GPR158: variants seen among roughly 807,000 people sequenced by gnomAD.
GPR158 encodes the protein metabotropic glycine receptor.
GPR158 carries 30 observed loss-of-function variants against 78.2 expected under a neutral mutation model. That is an observed-to-expected ratio of 0.38 (90% CI 0.29 to 0.52). GPR158 has a LOEUF of 0.52. Ranked by LOEUF, GPR158 falls within the 20% of genes least tolerant of loss-of-function variation. GPR158 has a pLI of 0.83. For synonymous variants in GPR158, 581 were observed against 591.1 expected (o/e 0.98, Z 0.25); for missense variants, 1,463 against 1,523.5 (o/e 0.96, Z 0.66).
intron 9 of GPR158, among the ~76,000 whole-genome samples, chr10:25,595,358 A>C (rs950196438): frequency 1.3e-5 from 2 of 152,228 alleles, no homozygotes; most frequent in East Asian, 3.8e-4. Flanking sequence ...ACTTTGCATA[A>C]TATGATTACA....
chr10:25,503,690 C>T (rs1289241642), intron 5 of GPR158, among the ~76,000 whole-genome samples: 1 of 152,108 alleles, frequency 6.6e-6, no homozygotes, highest in Non-Finnish European at 1.5e-5. Context: ...TACTGCATGT[C>T]ACATGATTGA....
At chr10:25,196,336 G>A (rs886580146) in intron 1 of GPR158, among the ~76,000 whole-genome samples, 5 of 150,258 alleles carry the variant, frequency 3.3e-5, no homozygotes, top group Admixed American at 2.6e-4. Flanking sequence ...TTTTGCTCTC[G>A]GATTATTTTT....
intron 5 of GPR158, among the ~76,000 whole-genome samples, chr10:25,516,552 G>T (rs1360168182): frequency 3.1e-5 from 4 of 130,478 alleles, no homozygotes; most frequent in Non-Finnish European, 6.4e-5. Context: ...TTTGTATAAG[G>T]TGTAAGGAAG....
intron 5 of GPR158, among the ~76,000 whole-genome samples, chr10:25,498,176 T>G (rs1415512005): frequency 6.6e-6 from 1 of 152,152 alleles, no homozygotes; most frequent in Non-Finnish European, 1.5e-5. Context: ...CAAACTACAG[T>G]ATTACCAGGC....
In GPR158 at chr10:25,371,174, A is replaced by G. The variant is rs1588830696; in HGVS notation, c.1009-24737A>G. Among the ~76,000 whole-genome samples, 3 of 148,264 alleles carry G rather than the reference A, an allele frequency of 2.0e-5. No homozygotes were observed. In the South Asian group the frequency reaches 6.6e-4, roughly 33 times the overall value. On this transcript the variant is annotated intron_variant, in intron 2 of 10. Transcript: ENST00000376351. ...GAGCACTTAGTCCATTTACATTTAA[A>G]GTTAATATTGTTATGTGTGAATTTG...
At chr10:25,346,579 T>C (rs1481376771) in intron 2 of GPR158, among the ~76,000 whole-genome samples, 2 of 151,954 alleles carry the variant, frequency 1.3e-5, no homozygotes, top group African/African-American at 4.8e-5. Context: ...ATTTTCTGGG[T>C]CTTTTTCTAA....
chr10:25,548,826 G>A (rs1836696295), intron 5 of GPR158, among the ~76,000 whole-genome samples: 1 of 152,018 alleles, frequency 6.6e-6, no homozygotes, highest in South Asian at 2.1e-4. Flanking sequence ...CTCCACCATG[G>A]ATGCTGAAAA....
chr10:25,307,630 C>T (rs1481616229), intron 2 of GPR158, among the ~76,000 whole-genome samples: 1 of 152,050 alleles, frequency 6.6e-6, no homozygotes, highest in Non-Finnish European at 1.5e-5. Context: ...CTGCCTTGGC[C>T]TCCAAAAGTG....
At chr10:25,355,826 G>C (rs1855542979) in intron 2 of GPR158, among the ~76,000 whole-genome samples, 3 of 152,028 alleles carry the variant, frequency 2.0e-5, no homozygotes, top group Admixed American at 6.6e-5. Flanking sequence ...TGGAAAGGCT[G>C]GCTATGGGTT....
chr10:25,237,420 T>C (rs1270442946), intron 2 of GPR158, among the ~76,000 whole-genome samples: 1 of 152,228 alleles, frequency 6.6e-6, no homozygotes, highest in African/African-American at 2.4e-5. Flanking sequence ...AATGAATACT[T>C]TTAATTCCTA....
At chr10:25,429,913 G>T (rs1296750926) in intron 4 of GPR158, among the ~76,000 whole-genome samples, 1 of 139,200 alleles carries the variant, frequency 7.2e-6, no homozygotes, top group East Asian at 2.0e-4. Context: ...CATACTGAAT[G>T]GGCAAAAACT....
intron 6 of GPR158, among the ~76,000 whole-genome samples, chr10:25,565,466 A>G (rs1836917267): frequency 6.6e-6 from 1 of 152,080 alleles, no homozygotes; most frequent in Non-Finnish European, 1.5e-5. Flanking sequence ...AAAAGAGCAT[A>G]TAGGAAAGTA....
At chr10:25,242,778 T>G (rs1207638761) in intron 2 of GPR158, among the ~76,000 whole-genome samples, 1 of 152,230 alleles carries the variant, frequency 6.6e-6, no homozygotes, top group Non-Finnish European at 1.5e-5. Context: ...GTGGAGTCTT[T>G]CTGTTACATT....
At chr10:25,500,394 A>T (rs1314928802) in intron 5 of GPR158, among the ~76,000 whole-genome samples, 1 of 152,240 alleles carries the variant, frequency 6.6e-6, no homozygotes, top group Non-Finnish European at 1.5e-5. Context: ...TTTTAAATTG[A>T]CGGTCTACTT....
rs980462236 is a variant in GPR158 at position 25,266,592 on chromosome 10, C to A, written c.1008+45435C>A. 1.3e-4 allele frequency among the ~76,000 whole-genome samples: 20 copies of A among 152,062 alleles called. No homozygotes were observed. The East Asian group carries it at 3.7e-3, about 28-fold the overall frequency. On this transcript the variant is annotated intron_variant, in intron 2 of 10. Coordinates refer to ENST00000376351, the MANE Select transcript of GPR158 (RefSeq NM_020752.3). Reference sequence around the variant, plus strand: ...TTGTCTTTTTTTACATTCTAAGCTTCTTAAGCATAAGAAGGAAAGCTTAAA... The same window carrying A: ...TTGTCTTTTTTTACATTCTAAGCTTATTAAGCATAAGAAGGAAAGCTTAAA...
At chr10:25,568,928 T>G (rs1312276011) in intron 6 of GPR158, among the ~76,000 whole-genome samples, 1 of 152,180 alleles carries the variant, frequency 6.6e-6, no homozygotes, top group Non-Finnish European at 1.5e-5. Context: ...GTCCAATGAT[T>G]TGAATTTTTT....
intron 2 of GPR158, among the ~76,000 whole-genome samples, chr10:25,345,076 T>C (rs1855355395): frequency 6.6e-6 from 1 of 152,122 alleles, no homozygotes; most frequent in African/African-American, 2.4e-5. Flanking sequence ...ACATATGAAT[T>C]TGAAGGGCCA....
chr10:25,485,408 G>A (rs2987836), intron 5 of GPR158, among the ~76,000 whole-genome samples: 78,041 of 151,688 alleles, frequency 0.51, 20,283 homozygotes, highest in East Asian at 0.8. Context: ...ATAAATAAAA[G>A]CCCACCCTAA....
At chr10:25,205,252 A>G (rs1034142025) in intron 1 of GPR158, among the ~76,000 whole-genome samples, 2 of 149,448 alleles carry the variant, frequency 1.3e-5, no homozygotes, top group African/African-American at 4.9e-5. Context: ...GTCATTTCTA[A>G]TTGTGTTTAT....
Sources: gnomAD v4.1 joint callset for allele counts (sites outside exome capture counted in the v4.1 genomes callset) on GRCh38, gnomAD v4.1.1 for gene constraint, MANE v1.5 for transcripts, NCBI Gene and HGNC (gene_info 2026-07-23, HGNC 2026-07-21) for gene names.